B4GALT1: variants seen among roughly 807,000 people sequenced by gnomAD.
The protein encoded by B4GALT1 is N-acetyllactosamine synthase.
In B4GALT1, 16 loss-of-function variants were observed where a neutral mutation model predicts 34.9. The ratio of observed to expected loss-of-function variants is 0.46; its 90% confidence interval spans 0.31 to 0.70. B4GALT1 has a LOEUF of 0.70. Among genes scored for constraint, B4GALT1 ranks in the 30% least tolerant of loss-of-function variants. The pLI, the probability that B4GALT1 is intolerant of heterozygous loss-of-function variation, is 0.05. For missense variants in B4GALT1, 445 were observed against 530.5 expected (o/e 0.84, Z 1.58); for synonymous variants, 221 against 218.1 (o/e 1.01, Z -0.12).
chr9:33,105,096 T>A (rs1318345468), intron 2 of B4GALT1, among the ~76,000 whole-genome samples: 1 of 151,532 alleles, frequency 6.6e-6, no homozygotes, highest in Non-Finnish European at 1.5e-5. Context: ...CTGGGATTAC[T>A]GGCGTGAGCC....
At chr9:33,151,952 TG>T (rs1840522933) in intron 1 of B4GALT1, among the ~76,000 whole-genome samples, 1 of 152,210 alleles carries the variant, frequency 6.6e-6, no homozygotes, top group Admixed American at 6.5e-5. Context: ...CATTTTGGGA[TG>T]GTGAAGACCT....
intron 1 of B4GALT1, among the ~76,000 whole-genome samples, chr9:33,163,476 A>C (rs1183760772): frequency 6.6e-6 from 1 of 151,132 alleles, no homozygotes; most frequent in Non-Finnish European, 1.5e-5. Context: ...TCACTCCCCT[A>C]CCCCCCTGAG....
chr9:33,120,668 A>G, intron 2 of B4GALT1, 62 bp from the exon 3 acceptor site: 2 of 1,558,934 alleles, frequency 1.3e-6, no homozygotes, highest in Non-Finnish European at 1.8e-6. Flanking sequence ...AAACACTCAC[A>G]GGGACTGGTG....
At chr9:33,104,674 G>C in exon 3 of B4GALT1, 1 of 446,456 alleles carries the variant, frequency 2.2e-6, no homozygotes, top group South Asian at 1.6e-5. Context: ...CACGTCTCAC[G>C]CTCAAATCTC....
intron 1 of B4GALT1, among the ~76,000 whole-genome samples, chr9:33,148,804 T>TAAAAAAAAAAA (rs72391353): frequency 2.3e-5 from 3 of 127,742 alleles, no homozygotes; most frequent in African/African-American, 2.8e-5. Flanking sequence ...TGCCTAAAAG[T>TAAAAAAAAAAA]AAAAAAAAAA....
At chr9:33,148,015 C>G (rs537758740) in intron 1 of B4GALT1, among the ~76,000 whole-genome samples, 1 of 151,836 alleles carries the variant, frequency 6.6e-6, no homozygotes, top group Non-Finnish European at 1.5e-5. Flanking sequence ...GTCTGGGTGA[C>G]AGAGCAAAAC....
chr9:33,147,447 G>A (rs377571530), intron 1 of B4GALT1, among the ~76,000 whole-genome samples: 7 of 151,720 alleles, frequency 4.6e-5, no homozygotes, highest in Admixed American at 1.3e-4. Flanking sequence ...GGGTTTCACC[G>A]TGTTGGCCGG....
intron 2 of B4GALT1, among the ~76,000 whole-genome samples, chr9:33,133,642 C>T (rs140104653): frequency 2.3e-4 from 35 of 152,354 alleles, no homozygotes; most frequent in African/African-American, 8.2e-4. Flanking sequence ...CCCACAACTG[C>T]GTGGCTGTCT....
intron 1 of B4GALT1, among the ~76,000 whole-genome samples, chr9:33,154,135 T>A (rs1001651150): frequency 1.1e-4 from 16 of 151,370 alleles, no homozygotes; most frequent in Non-Finnish European, 2.1e-4. Context: ...CAGCAACAAA[T>A]AAAAAGAATT....
rs1159767935 is a variant in B4GALT1, at chr9:33,111,764, G to A, written c.*1690C>T. 2 of 152,222 alleles carry A rather than the reference G, an allele frequency of 1.3e-5. No individual in the cohort carries two copies. Among genetic ancestry groups the A allele is most frequent in the Non-Finnish European group, 2.9e-5 (2 of 68,070 alleles). 9.4% of individuals were successfully genotyped at this position (152,222 alleles called of 1,614,324 possible). On this transcript the variant is annotated 3_prime_UTR_variant, in exon 6 of 6. Coordinates refer to ENST00000379731, the MANE Select transcript of B4GALT1 (RefSeq NM_001497.4). ...TGAGCCCAGGCTGGACCTGGCAAAGGCGCTCAGTGGTAGGAGTGCCTTGTG... is the reference window on the plus strand; with the variant it reads ...TGAGCCCAGGCTGGACCTGGCAAAGACGCTCAGTGGTAGGAGTGCCTTGTG...
chr9:33,123,318 T>C (rs905167109), intron 2 of B4GALT1, among the ~76,000 whole-genome samples: 3 of 145,724 alleles, frequency 2.1e-5, no homozygotes, highest in Non-Finnish European at 3.0e-5. Flanking sequence ...AGTTTAGAAA[T>C]TGCATATGAA....
chr9:33,152,556 T>TA (rs71970666), intron 1 of B4GALT1, among the ~76,000 whole-genome samples: 1,250 of 102,268 alleles, frequency 0.012, 5 homozygotes, highest in African/African-American at 0.032. Flanking sequence ...AAAAAAAGGG[T>TA]AAAAAAAAAA....
At chr9:33,170,357 A>T (rs1456958947), upstream of B4GALT1, among the ~76,000 whole-genome samples, 1 of 152,220 alleles carries the variant, frequency 6.6e-6, no homozygotes, top group African/African-American at 2.4e-5. Flanking sequence ...AACTTAGTTT[A>T]GAACGTAAAG....
intron 3 of B4GALT1, among the ~76,000 whole-genome samples, chr9:33,118,857 T>C (rs112857768): frequency 0.059 from 8,844 of 150,848 alleles, 288 homozygotes; most frequent in Non-Finnish European, 0.068. Context: ...ATTCAACTGA[T>C]AGGTTTTTTT....
chr9:33,184,370 T>TA, the B4GALT1 span, among the ~76,000 whole-genome samples: 1 of 151,818 alleles, frequency 6.6e-6, no homozygotes, highest in Non-Finnish European at 1.5e-5. Context: ...TACCCAAGGA[T>TA]AAGGGTGGAC....
the B4GALT1 span, among the ~76,000 whole-genome samples, chr9:33,180,551 C>T: frequency 6.6e-6 from 1 of 152,178 alleles, no homozygotes; most frequent in African/African-American, 2.4e-5. Flanking sequence ...TTAAAACAGT[C>T]AATTATAACA....
rs1840780482 is a variant in B4GALT1 at position 33,167,293 on chromosome 9, G to A, written c.-124C>T. 3.1e-6 allele frequency: 4 copies of A among 1,272,148 alleles called. No homozygotes were observed. In the African/African-American group the frequency reaches 4.8e-5, roughly 15 times the overall value. 78.8% of individuals were successfully genotyped at this position (1,272,148 alleles called of 1,614,324 possible). On this transcript the variant is annotated 5_prime_UTR_variant, in exon 1 of 6. Transcript: ENST00000379731. ...GAGGGCCCGGAGCGGGGGCGGGCGAGCGGCTGAGAGCTGAGACTCCTCCAG... is the reference window on the plus strand; with the variant it reads ...GAGGGCCCGGAGCGGGGGCGGGCGAACGGCTGAGAGCTGAGACTCCTCCAG...
the B4GALT1 span, among the ~76,000 whole-genome samples, chr9:33,181,281 C>G: frequency 7.9e-5 from 12 of 151,984 alleles, no homozygotes; most frequent in Non-Finnish European, 1.8e-4. Flanking sequence ...ATTAGCCAGG[C>G]GTGGTGGTGG....
At position 33,147,681 on chromosome 9, in the gene B4GALT1, T is replaced by C. The variant is rs1018387384; in HGVS notation, c.413-12257A>G. Among the ~76,000 whole-genome samples the C allele has an allele frequency of 5.9e-5, 9 of 152,230 alleles. No homozygotes were observed. The East Asian group carries it at 1.2e-3, about 20-fold the overall frequency. ...GAAGAACAAAGGGCATTAACACAGT[T>C]ACAGAAAAAGAAGAGTGCTGGTGAG... On this transcript the variant is annotated intron_variant, in intron 1 of 5. Transcript: ENST00000379731.
Sources: gnomAD v4.1 joint callset for allele counts (sites outside exome capture counted in the v4.1 genomes callset) on GRCh38, gnomAD v4.1.1 for gene constraint, MANE v1.5 for transcripts, NCBI Gene and HGNC (gene_info 2026-07-23, HGNC 2026-07-21) for gene names.